Variants in ASNS observed in about 807,000 individuals in gnomAD.
ASNS encodes asparagine synthetase [glutamine-hydrolyzing].
In ASNS, 37 loss-of-function variants were observed where a neutral mutation model predicts 62.6. The observed-to-expected ratio is 0.59, with a 90% CI of 0.45 to 0.78. The LOEUF is 0.78. ASNS is among the 30% of genes least tolerant of loss of function. The pLI is 0.00. For missense variants in ASNS, 520 were observed against 682.4 expected, an observed-to-expected ratio of 0.76 and a Z score of 2.65; for synonymous variants, 207 against 237.9, an observed-to-expected ratio of 0.87 and a Z score of 1.19.
chr7:97,858,947 T>A lies in ASNS; in HGVS notation c.682A>T (p.Ile228Leu). The change falls in exon 6 of 13, where the codon ATA (isoleucine) becomes TTA (leucine). Residue 228 changes from isoleucine to leucine, a missense_variant. Coordinates refer to ENST00000394308, the MANE Select transcript of ASNS (RefSeq NM_001673.5). ...NVEKLFPGFE[I>L]ETVKNNLRIL... ...CTGAGGTTGTTCTTCACAGTTTCTATCTCAAAACCTATAAACACAGCAGTA... is the reference window on the plus strand; with the variant it reads ...CTGAGGTTGTTCTTCACAGTTTCTAACTCAAAACCTATAAACACAGCAGTA... 6.2e-7 allele frequency: 1 copy of A among 1,611,776 alleles called. No homozygotes were observed. The highest frequency in any genetic ancestry group is 8.5e-7 in the Non-Finnish European group (1 of 1,179,436).
At chr7:97,905,394 T>A in the ASNS span, among the ~76,000 whole-genome samples, 1 of 152,196 alleles carries the variant, frequency 6.6e-6, no homozygotes, top group Admixed American at 6.5e-5. Flanking sequence ...TGAATGATAC[T>A]GGAAGGAATC....
the ASNS span, among the ~76,000 whole-genome samples, chr7:97,881,583 A>C: frequency 3.9e-5 from 6 of 152,204 alleles, no homozygotes; most frequent in African/African-American, 1.4e-4. Context: ...ATGAATGAAC[A>C]AACAAAATGT....
the ASNS span, among the ~76,000 whole-genome samples, chr7:97,895,825 T>C: frequency 6.6e-6 from 1 of 152,106 alleles, no homozygotes. Context: ...TAAAAACGGA[T>C]GTATAATTCA....
intron 8 of ASNS, 148 bp from the exon 9 acceptor site, chr7:97,855,607 T>C (rs1791399601): frequency 2.0e-6 from 1 of 510,988 alleles, no homozygotes; most frequent in African/African-American, 1.9e-5. Context: ...AATGACCTTG[T>C]ATTTATAAGC....
In ASNS at chr7:97,858,842, A is replaced by T; in HGVS notation, c.775+12T>A. 6.4e-7 allele frequency: 1 copy of T among 1,569,708 alleles called. No homozygotes were observed. Among genetic ancestry groups the T allele is most frequent in the Middle Eastern group, 1.7e-4 (1 of 5,878 alleles). On this transcript the variant is annotated intron_variant, in intron 6 of 12. Coordinates refer to ENST00000394308, the MANE Select transcript of ASNS (RefSeq NM_001673.5). Reference sequence around the variant, plus strand: ...ACATGAAATATAATTAGGTTTTTTTAATTGACTTCACCTGATAAAAGGCAG... The same window carrying T: ...ACATGAAATATAATTAGGTTTTTTTTATTGACTTCACCTGATAAAAGGCAG...
At chr7:97,889,482 A>G in the ASNS span, among the ~76,000 whole-genome samples, 2 of 152,030 alleles carry the variant, frequency 1.3e-5, no homozygotes, top group Non-Finnish European at 2.9e-5. Context: ...GTGCCACTGC[A>G]CTCCAGCCTG....
chr7:97,922,611 G>T, the ASNS span, among the ~76,000 whole-genome samples: 2 of 152,096 alleles, frequency 1.3e-5, no homozygotes, highest in Non-Finnish European at 2.9e-5. Context: ...AAATAAGTCT[G>T]GGAGGTGATG....
chr7:97,854,975 CTTT>C (rs71532083), intron 9 of ASNS: 1,383 of 243,346 alleles, frequency 5.7e-3, no homozygotes, highest in South Asian at 9.3e-3. Flanking sequence ...TTATTTTTAA[CTTT>C]TTTTTTTTTT....
chr7:97,917,395 T>C, the ASNS span, among the ~76,000 whole-genome samples: 12,676 of 139,376 alleles, frequency 0.091, no homozygotes, highest in African/African-American at 0.17. Flanking sequence ...TCAAGGGCTG[T>C]GATGAGGGTT....
At chr7:97,894,560 G>A in the ASNS span, among the ~76,000 whole-genome samples, 4 of 128,206 alleles carry the variant, frequency 3.1e-5, no homozygotes, top group African/African-American at 1.2e-4. Context: ...TGTTACCAAA[G>A]AAATAAAAAG....
chr7:97,910,545 A>G, the ASNS span, among the ~76,000 whole-genome samples: 1 of 151,540 alleles, frequency 6.6e-6, no homozygotes, highest in Non-Finnish European at 1.5e-5. Flanking sequence ...GGGGGCTAAC[A>G]TTAAGGAGCA....
At chr7:97,896,615 AC>A in the ASNS span, among the ~76,000 whole-genome samples, 8 of 109,010 alleles carry the variant, frequency 7.3e-5, no homozygotes, top group Admixed American at 4.3e-4. Context: ...AAAAAAAAAA[AC>A]CACATATATA....
At chr7:97,866,867 G>T (rs10263979) in intron 3 of ASNS, among the ~76,000 whole-genome samples, 48,578 of 151,982 alleles carry the variant, frequency 0.32, 7,866 homozygotes, top group East Asian at 0.45. Flanking sequence ...TAACTAGCAG[G>T]TGGGGGCCTG....
the ASNS span, among the ~76,000 whole-genome samples, chr7:97,880,793 C>G: frequency 6.6e-5 from 10 of 152,316 alleles, 1 homozygote; most frequent in African/African-American, 2.2e-4. Context: ...GATTCTCAAA[C>G]ACAGCTGCAC....
chr7:97,904,558 A>G, the ASNS span, among the ~76,000 whole-genome samples: 2 of 152,056 alleles, frequency 1.3e-5, no homozygotes, highest in South Asian at 4.1e-4. Context: ...AATGCTAGAG[A>G]GTCTTGTACT....
At chr7:97,901,789 C>T in the ASNS span, among the ~76,000 whole-genome samples, 1 of 151,824 alleles carries the variant, frequency 6.6e-6, no homozygotes, top group Non-Finnish European at 1.5e-5. Context: ...ACCAGCCTGG[C>T]CAACATGGTG....
chr7:97,906,269 C>T, the ASNS span, among the ~76,000 whole-genome samples: 2 of 150,042 alleles, frequency 1.3e-5, no homozygotes, highest in East Asian at 1.9e-4. Context: ...CCACCACCAC[C>T]GTCGCCCTGC....
the ASNS span, among the ~76,000 whole-genome samples, chr7:97,922,189 AC>A: frequency 5.9e-5 from 9 of 152,022 alleles, no homozygotes; most frequent in Non-Finnish European, 8.8e-5. Context: ...ACATAGCAAG[AC>A]CCCATTTCTA....
At chr7:97,865,337 A>AT (rs917203495) in intron 3 of ASNS, among the ~76,000 whole-genome samples, 16 of 151,686 alleles carry the variant, frequency 1.1e-4, no homozygotes, top group Admixed American at 3.9e-4. Flanking sequence ...TATACACTGT[A>AT]TTTTTTTTTC....
Sources: gnomAD v4.1 joint callset for allele counts (sites outside exome capture counted in the v4.1 genomes callset) on GRCh38, gnomAD v4.1.1 for gene constraint, MANE v1.5 for transcripts, NCBI Gene and HGNC (gene_info 2026-07-23, HGNC 2026-07-21) for gene names.